The following NDUFAF2 variants were observed in gnomAD, a reference collection of about 807,000 sequenced individuals.
NDUFAF2 encodes the protein NADH dehydrogenase [ubiquinone] 1 alpha subcomplex assembly factor 2.
Under a neutral mutation model 22.8 loss-of-function variants are expected in NDUFAF2, and 13 were observed. The observed-to-expected ratio is 0.57, with a 90% CI of 0.37 to 0.91. NDUFAF2 has a LOEUF of 0.91. Among genes scored for constraint, NDUFAF2 ranks in the 40% least tolerant of loss-of-function variants. NDUFAF2 has a pLI of 0.01. For synonymous variants in NDUFAF2, 53 were observed against 64.2 expected (o/e 0.83, Z 0.84); for missense variants, 162 against 195.2 (o/e 0.83, Z 1.01).
chr5:61,013,578 A>G (rs1751468442), intron 1 of NDUFAF2, among the ~76,000 whole-genome samples: 1 of 152,162 alleles, frequency 6.6e-6, no homozygotes, highest in South Asian at 2.1e-4. Context: ...TAAAAAATTC[A>G]CTGCTCTGAA....
rs188134914 is a variant in NDUFAF2, at chr5:61,000,825, A to G, written c.127+55443A>G. ...ATATTTTGCTTTAGGTTATCAATTA[A>G]TGAAATCTCCACTCATGTTAGTATA... On this transcript the variant is annotated intron_variant, in intron 1 of 3. Transcript: ENST00000296597. Among the ~76,000 whole-genome samples, 482 of 152,268 alleles carry G rather than the reference A, an allele frequency of 3.2e-3. 3 individuals carry two copies. Among genetic ancestry groups the G allele is most frequent in the Non-Finnish European group, 5.7e-3 (389 of 67,994 alleles).
intron 2 of NDUFAF2, among the ~76,000 whole-genome samples, chr5:61,087,907 A>G (rs1752523166): frequency 6.6e-6 from 1 of 152,166 alleles, no homozygotes. Context: ...ATAGCTTAAA[A>G]TAAGACACAT....
At chr5:61,098,601 A>G (rs1054364448) in intron 2 of NDUFAF2, among the ~76,000 whole-genome samples, 4 of 152,204 alleles carry the variant, frequency 2.6e-5, no homozygotes, top group African/African-American at 9.6e-5. Flanking sequence ...AACTAATTCA[A>G]ATTTCCAGAA....
chr5:61,062,858 C>T (rs1333474820), intron 1 of NDUFAF2, among the ~76,000 whole-genome samples: 3 of 152,254 alleles, frequency 2.0e-5, no homozygotes, highest in Admixed American at 1.3e-4. Context: ...CAGCAGATTT[C>T]TCAGCAGAAA....
In NDUFAF2 at chr5:60,948,551, C is replaced by CT. The variant is rs55712639; in HGVS notation, c.127+3183dup. 2.8e-3 allele frequency among the ~76,000 whole-genome samples: 401 copies of CT among 145,086 alleles called. 1 individual carries two copies. The highest frequency in any genetic ancestry group is 4.3e-3 in the Non-Finnish European group (286 of 65,748). On this transcript the variant is annotated intron_variant, in intron 1 of 3. Transcript: ENST00000296597. ...GTGGAAGCATACAGCACATATTCTG[C>CT]TTTTTTTTTTTTTTGTTTTTTAGGT... is the stretch of plus-strand genomic sequence containing the variant.
At chr5:61,037,817 A>G (rs1751818119) in intron 1 of NDUFAF2, among the ~76,000 whole-genome samples, 1 of 152,060 alleles carries the variant, frequency 6.6e-6, no homozygotes, top group African/African-American at 2.4e-5. Flanking sequence ...TGAAGGATTT[A>G]TGACATGATT....
At chr5:61,016,642 T>C (rs1751514983) in intron 1 of NDUFAF2, among the ~76,000 whole-genome samples, 2 of 152,198 alleles carry the variant, frequency 1.3e-5, no homozygotes, top group African/African-American at 4.8e-5. Flanking sequence ...ATTACTATGC[T>C]GTCCTCCGCT....
intron 1 of NDUFAF2, among the ~76,000 whole-genome samples, chr5:60,963,108 A>G (rs1750713098): frequency 6.6e-6 from 1 of 151,654 alleles, no homozygotes. Flanking sequence ...CTGGGCTCAA[A>G]CTCCTGACCT....
chr5:61,020,842 T>G (rs1751572620), intron 1 of NDUFAF2, among the ~76,000 whole-genome samples: 1 of 151,978 alleles, frequency 6.6e-6, no homozygotes, highest in South Asian at 2.1e-4. Context: ...ATTACAGGTG[T>G]GTACCACCAC....
chr5:61,058,501 A>G (rs1476102530), intron 1 of NDUFAF2, among the ~76,000 whole-genome samples: 2 of 151,988 alleles, frequency 1.3e-5, no homozygotes, highest in Non-Finnish European at 2.9e-5. Flanking sequence ...ACATTCATAA[A>G]TGTCCTCTTA....
chr5:61,121,874 A>G (rs2111799736), intron 3 of NDUFAF2, among the ~76,000 whole-genome samples: 1 of 150,168 alleles, frequency 6.7e-6, no homozygotes, highest in South Asian at 2.1e-4. Context: ...TCTGTTACCA[A>G]GGCTGGAATA....
At chr5:61,047,628 T>C (rs1453445357) in intron 1 of NDUFAF2, among the ~76,000 whole-genome samples, 1 of 152,130 alleles carries the variant, frequency 6.6e-6, no homozygotes, top group Non-Finnish European at 1.5e-5. Context: ...TTATCTTCTT[T>C]CTGATGTTTC....
At chr5:61,076,480 A>G (rs1016660382) in intron 2 of NDUFAF2, among the ~76,000 whole-genome samples, 4 of 152,370 alleles carry the variant, frequency 2.6e-5, no homozygotes, top group African/African-American at 9.6e-5. Flanking sequence ...GCATTACTGG[A>G]GAGCAAGTAC....
chr5:61,114,797 G>A (rs879661143), intron 3 of NDUFAF2: 11 of 152,046 alleles, frequency 7.2e-5, no homozygotes, highest in Non-Finnish European at 1.2e-4. Flanking sequence ...TTGCAGACTT[G>A]TAGAAGTATT....
At chr5:61,101,902 C>G (rs532081923) in intron 3 of NDUFAF2, among the ~76,000 whole-genome samples, 2 of 152,104 alleles carry the variant, frequency 1.3e-5, no homozygotes, top group Non-Finnish European at 2.9e-5. Flanking sequence ...TCATTCTTCC[C>G]AAACTGATCC....
rs539203168 is a variant in NDUFAF2 at position 60,970,853 on chromosome 5, C to T, written c.127+25471C>T. Among the ~76,000 whole-genome samples, 14 of 152,190 alleles carry T rather than the reference C, an allele frequency of 9.2e-5. 1 individual carries two copies. The East Asian group carries it at 1.9e-3, about 21-fold the overall frequency. The stretch of plus-strand genomic sequence containing the variant: ...TCAATATGTAGGCTGTTAAACTCTT[C>T]ATCATTGATTATGTTATTTGGTTGT... On this transcript the variant is annotated intron_variant, in intron 1 of 3. Coordinates refer to ENST00000296597, the MANE Select transcript of NDUFAF2 (RefSeq NM_174889.5).
chr5:61,131,043 T>C (rs1167020413), intron 3 of NDUFAF2, among the ~76,000 whole-genome samples: 4 of 152,180 alleles, frequency 2.6e-5, no homozygotes, highest in Non-Finnish European at 5.9e-5. Flanking sequence ...TACTTTTTGA[T>C]AGTTAAAATC....
intron 2 of NDUFAF2, among the ~76,000 whole-genome samples, chr5:61,095,198 C>T (rs1043449461): frequency 2.0e-5 from 3 of 152,202 alleles, no homozygotes; most frequent in Admixed American, 6.5e-5. Flanking sequence ...AGCTCCTGCC[C>T]GGGGAGGAGG....
chr5:60,994,629 C>T (rs2112587303), intron 1 of NDUFAF2, among the ~76,000 whole-genome samples: 1 of 152,320 alleles, frequency 6.6e-6, no homozygotes, highest in East Asian at 1.9e-4. Context: ...TTCTTTATCC[C>T]TGACCTTTGC....
Sources: gnomAD v4.1 joint callset for allele counts (sites outside exome capture counted in the v4.1 genomes callset) on GRCh38, gnomAD v4.1.1 for gene constraint, MANE v1.5 for transcripts, NCBI Gene and HGNC (gene_info 2026-07-23, HGNC 2026-07-21) for gene names.